The following AZGP1 variants were observed in gnomAD, a reference collection of about 807,000 sequenced individuals.
AZGP1 encodes the protein alpha-2-glycoprotein 1, zinc-binding, also known as zinc-alpha-2-glycoprotein.
A neutral mutation model predicts 31.5 loss-of-function variants in AZGP1; 28 were observed. The observed-to-expected ratio is 0.89, with a 90% CI of 0.66 to 1.22. The LOEUF is 1.22. AZGP1 is among the 50% of genes most tolerant of loss of function. The pLI is 0.00. For synonymous variants in AZGP1, 135 were observed against 145.4 expected (o/e 0.93, Z 0.51); for missense variants, 361 against 371.8 (o/e 0.97, Z 0.24).
rs147378786 is a variant in AZGP1 at position 99,969,072 on chromosome 7, G to A, written c.338-642C>T. The stretch of plus-strand genomic sequence containing the variant: ...ATGGATCACCTTAGGTCATGAGTTC[G>A]AGACCAGCCTGGCCAATATGGTGAA... On this transcript the variant is annotated intron_variant, in intron 2 of 3. Transcript: ENST00000292401. Among the ~76,000 whole-genome samples the A allele has an allele frequency of 5.8e-3, 846 of 147,040 alleles. 12 individuals carry two copies. The highest frequency in any genetic ancestry group is 0.02 in the African/African-American group (796 of 40,008).
chr7:99,975,825 C>A (rs1177967400), intron 1 of AZGP1, 120 bp downstream of exon 1: 21 of 1,092,874 alleles, frequency 1.9e-5, no homozygotes, highest in Non-Finnish European at 2.9e-5. Flanking sequence ...GCCTTGGGCA[C>A]CCATTCCTGC....
In AZGP1 at chr7:99,966,771, T is replaced by C; in HGVS notation, c.*232A>G. 1.7e-6 allele frequency: 1 copy of C among 602,700 alleles called. No individual in the cohort carries two copies. Among genetic ancestry groups the C allele is most frequent in the Non-Finnish European group, 2.9e-6 (1 of 344,346 alleles). 37.3% of individuals were successfully genotyped at this position (602,700 alleles called of 1,614,324 possible). ...ATGATTATTTATTAGCTTCTACAGA[T>C]TAGACAATGGGGTGGGGGTGGGCTC... On this transcript the variant is annotated 3_prime_UTR_variant, in exon 4 of 4. Transcript: ENST00000292401.
chr7:99,972,835 C>A (rs972264173), intron 1 of AZGP1, among the ~76,000 whole-genome samples: 6 of 150,816 alleles, frequency 4.0e-5, no homozygotes. Flanking sequence ...ATTAACATTT[C>A]GTCCGGGCTC....
chr7:99,966,944 T>C lies in AZGP1; in HGVS notation c.*59A>G, dbSNP rs969442980. On this transcript the variant is annotated 3_prime_UTR_variant, in exon 4 of 4. Transcript: ENST00000292401. ...TGATTTCTGTGGTTCAGCTCCCACA[T>C]CAGGCAGGAAGGGCAGCTACTGGGT... is the stretch of plus-strand genomic sequence containing the variant. 1.3e-6 allele frequency: 2 copies of C among 1,573,050 alleles called. No homozygotes were observed. The highest frequency in any genetic ancestry group is 8.6e-7 in the Non-Finnish European group (1 of 1,156,440).
intron 1 of AZGP1, among the ~76,000 whole-genome samples, 181 bp downstream of exon 1, chr7:99,975,764 G>T (rs897632104): frequency 6.6e-6 from 1 of 152,136 alleles, no homozygotes; most frequent in African/African-American, 2.4e-5. Context: ...TCGGGCCAGC[G>T]CAGAGGCTCC....
At chr7:99,967,761 A>T (rs1175487089) in intron 3 of AZGP1, 2 of 476,920 alleles carry the variant, frequency 4.2e-6, no homozygotes, top group Non-Finnish European at 7.4e-6. Flanking sequence ...CCTTCTCTCC[A>T]CCACCCAGAT....
At chr7:99,975,132 GTGTATGTA>G (rs1176813913) in intron 1 of AZGP1, among the ~76,000 whole-genome samples, 1 of 151,842 alleles carries the variant, frequency 6.6e-6, no homozygotes, top group Non-Finnish European at 1.5e-5. Flanking sequence ...TGTGTATACA[GTGTATGTA>G]TGTATGTGTA....
intron 1 of AZGP1, among the ~76,000 whole-genome samples, chr7:99,975,148 G>A (rs1789639881): frequency 6.6e-6 from 1 of 152,024 alleles, no homozygotes; most frequent in Admixed American, 6.6e-5. Flanking sequence ...GTATGTATGT[G>A]TACGTACATA....
intron 2 of AZGP1, among the ~76,000 whole-genome samples, chr7:99,968,962 CAAAAA>C (rs869115613): frequency 1.2e-3 from 31 of 26,700 alleles, no homozygotes; most frequent in South Asian, 3.5e-3. Context: ...GACCCTATCT[CAAAAA>C]AAAAAAAAAA....
In AZGP1 at chr7:99,976,025, T is replaced by C; in HGVS notation, c.-5A>G. 6.2e-7 allele frequency: 1 copy of C among 1,614,010 alleles called. No homozygotes were observed. Reference sequence around the variant, plus strand: ...GACAGGCACCATTCTTACCATTGTGTCTGCTTGGAGGGTTCTGGGCAGGAG... The same window carrying C: ...GACAGGCACCATTCTTACCATTGTGCCTGCTTGGAGGGTTCTGGGCAGGAG... On this transcript the variant is annotated 5_prime_UTR_variant, in exon 1 of 4. Transcript: ENST00000292401.
At chr7:99,975,346 T>A (rs1012092689) in intron 1 of AZGP1, among the ~76,000 whole-genome samples, 1 of 152,306 alleles carries the variant, frequency 6.6e-6, no homozygotes, top group South Asian at 2.1e-4. Flanking sequence ...TTCGCTTCCA[T>A]GTCTTTATCC....
Position 99,971,960 on chromosome 7 carries a change from AACAT to A in AZGP1, c.119_122del (p.His40LeufsTer61). ...GGGCCTGAAACGCGGGGACGTCTTC[AACAT>A]GCTTGGACAGCCCAGTGTAGATATA... On this transcript the variant is annotated frameshift_variant, in exon 2 of 4. Coordinates refer to ENST00000292401, the MANE Select transcript of AZGP1 (RefSeq NM_001185.4). LOFTEE classifies it high-confidence loss of function. 6.2e-7 allele frequency: 1 copy of A among 1,614,102 alleles called. No homozygotes were observed. Among genetic ancestry groups the A allele is most frequent in the Non-Finnish European group, 8.5e-7 (1 of 1,179,966 alleles).
At position 99,966,853 on chromosome 7, in the gene AZGP1, G is replaced by A. The variant is rs1789486771; in HGVS notation, c.*150C>T. On this transcript the variant is annotated 3_prime_UTR_variant, in exon 4 of 4. Transcript: ENST00000292401. Reference sequence around the variant, plus strand: ...CTCAAGACAGGCATCCCAGTCTTCGGTCTCCAAATCCACCTCCTGTCTGTC... The same window carrying A: ...CTCAAGACAGGCATCCCAGTCTTCGATCTCCAAATCCACCTCCTGTCTGTC... 1 of 1,236,956 alleles carries A rather than the reference G, an allele frequency of 8.1e-7. No homozygotes were observed. The highest frequency in any genetic ancestry group is 1.1e-6 in the Non-Finnish European group (1 of 893,328). The allele number at this position is 1,236,956 out of a possible 1,614,324, so 76.6% of individuals were successfully genotyped here. A position where few individuals can be genotyped will look rare whatever the true frequency, so the allele number is the denominator to read the frequency against.
At chr7:99,967,686 C>A (rs539622811) in intron 3 of AZGP1, 203 of 405,792 alleles carry the variant, frequency 5.0e-4, no homozygotes, top group Admixed American at 7.7e-4. Flanking sequence ...TCTCAGCTTG[C>A]AGCCATCAAT....
At chr7:99,975,362 A>T (rs1294982745) in intron 1 of AZGP1, among the ~76,000 whole-genome samples, 1 of 152,166 alleles carries the variant, frequency 6.6e-6, no homozygotes, top group African/African-American at 2.4e-5. Context: ...TATCCTGCAC[A>T]TTCTCATGCC....
Position 99,966,841 on chromosome 7 carries a change from T to C in AZGP1, c.*162A>G. On this transcript the variant is annotated 3_prime_UTR_variant, in exon 4 of 4. Transcript: ENST00000292401. ...GGTCCAAGTCTACTCAAGACAGGCATCCCAGTCTTCGGTCTCCAAATCCAC... is the reference window on the plus strand; with the variant it reads ...GGTCCAAGTCTACTCAAGACAGGCACCCCAGTCTTCGGTCTCCAAATCCAC... The C allele has an allele frequency of 9.1e-7, 1 of 1,103,198 alleles. No homozygotes were observed. Among genetic ancestry groups the C allele is most frequent in the Admixed American group, 2.5e-5 (1 of 40,738 alleles). The allele number at this position is 1,103,198 out of a possible 1,614,324, so 68.3% of individuals were successfully genotyped here.
rs761967832 is a variant in AZGP1, at chr7:99,975,963, G to A, written c.58C>T (p.Pro20Ser). The change falls in exon 1 of 4, where the codon CCC becomes TCC. Residue 20 changes from proline to serine, a missense_variant. Pro to Ser is a moderately conservative substitution (Grantham distance 74). Coordinates refer to ENST00000292401, the MANE Select transcript of AZGP1 (RefSeq NM_001185.4). ...CACTCACCATCTTGGTTCTCCTGGG[G>A]GACAGCAGGACCCAGAAGCAGCAGC... ...SLLLLLGPAV[P>S]QENQDGRYSL... The A allele has an allele frequency of 1.2e-6, 2 of 1,614,036 alleles. No individual in the cohort carries two copies. Among genetic ancestry groups the A allele is most frequent in the Non-Finnish European group, 1.7e-6 (2 of 1,180,020 alleles).
Position 99,966,888 on chromosome 7 carries a change from T to C in AZGP1, c.*115A>G, listed in dbSNP as rs896624994. The C allele has an allele frequency of 5.3e-5, 75 of 1,421,484 alleles. No homozygotes were observed. Among genetic ancestry groups the C allele is most frequent in the Admixed American group, 2.5e-4 (12 of 48,152 alleles). 88.1% of individuals were successfully genotyped at this position (1,421,484 alleles called of 1,614,324 possible). ...CCACCTCCTGTCTGTCCCCCCACAC[T>C]GCTCCTCAGGCCTTGTGGATCCATT... On this transcript the variant is annotated 3_prime_UTR_variant, in exon 4 of 4. Coordinates refer to ENST00000292401, the MANE Select transcript of AZGP1 (RefSeq NM_001185.4).
At chr7:99,975,735 G>C (rs1056473161) in intron 1 of AZGP1, among the ~76,000 whole-genome samples, 1 of 152,166 alleles carries the variant, frequency 6.6e-6, no homozygotes, top group African/African-American at 2.4e-5. Context: ...TTTAGATTCA[G>C]ATTCCTGAAG....
Sources: gnomAD v4.1 joint callset for allele counts (sites outside exome capture counted in the v4.1 genomes callset) on GRCh38, gnomAD v4.1.1 for gene constraint, MANE v1.5 for transcripts, NCBI Gene and HGNC (gene_info 2026-07-23, HGNC 2026-07-21) for gene names.